NPC1: variants seen among roughly 807,000 people sequenced by gnomAD.
NPC1 encodes the protein Niemann-Pick C1 protein.
Under a neutral mutation model 140.4 loss-of-function variants are expected in NPC1, and 85 were observed. The observed-to-expected ratio is 0.61, with a 90% confidence interval of 0.51 to 0.72. The LOEUF (loss-of-function observed/expected upper bound fraction) is 0.72, where lower values mean the gene tolerates loss of function less well. Ranked by LOEUF, NPC1 falls within the 30% of genes least tolerant of loss-of-function variation. The pLI is 0.00. For synonymous variants in NPC1, 656 were observed against 624.8 expected (o/e 1.05, Z -0.74); for missense variants, 1,504 against 1,623.8 (o/e 0.93, Z 1.27).
chr18:23,568,609 A>C (rs2059158985), intron 4 of NPC1, among the ~76,000 whole-genome samples: 1 of 152,214 alleles, frequency 6.6e-6, no homozygotes, highest in African/African-American at 2.4e-5. Context: ...GTGGGAAGTT[A>C]AAGTTAGGGG....
Position 23,524,249 on chromosome 18 carries a change from C to T in NPC1, c.164-1343G>A, listed in dbSNP as rs911347192. ...CCTCAGAGAGTGGTCCTGAAGTCCT[C>T]CTCCGGGCAGCTGTGAATAACACTC... On this transcript the variant is annotated intron_variant, in intron 1 of 1. Coordinates refer to the NPC1 transcript ENST00000590723. 8 of 1,570,882 alleles carry T rather than the reference C, an allele frequency of 5.1e-6. No individual in the cohort carries two copies. In the East Asian group the frequency reaches 6.7e-5, roughly 13 times the overall value.
At chr18:23,535,411 C>T (rs2058613315) in intron 22 of NPC1, 58 bp downstream of exon 22, 1 of 1,234,576 alleles carries the variant, frequency 8.1e-7, no homozygotes, top group African/African-American at 1.5e-5. Flanking sequence ...TCTAAGACAG[C>T]CAATTCCCCC....
At chr18:23,533,220 T>G (rs1339086921) in intron 24 of NPC1, 135 bp downstream of exon 24, 2 of 1,004,030 alleles carry the variant, frequency 2.0e-6, no homozygotes, top group African/African-American at 3.3e-5. Flanking sequence ...AAGAAATTTT[T>G]TTACTCAGTA....
intron 3 of NPC1, 58 bp from the exon 4 acceptor site, chr18:23,569,056 AC>A: frequency 8.4e-7 from 1 of 1,184,804 alleles, no homozygotes; most frequent in Non-Finnish European, 1.3e-6. Context: ...GCCAGCAAGA[AC>A]GATTTTAAAT....
In NPC1 at chr18:23,586,454, G is replaced by GAGCAGAGA. The variant is rs2059420872; in HGVS notation, c.-112_-111insTCTCTGCT. ...AGCACCCCGCGCAGGAGGAGCGGAG[G>GAGCAGAGA]AGCAGGAGCAGGCGCTGACCGCGGC... is the stretch of plus-strand genomic sequence containing the variant. On this transcript the variant is annotated 5_prime_UTR_variant, in exon 1 of 25. Coordinates refer to ENST00000269228, the MANE Select transcript of NPC1 (RefSeq NM_000271.5). 1.3e-6 allele frequency: 2 copies of GAGCAGAGA among 1,488,624 alleles called. No individual in the cohort carries two copies. Among genetic ancestry groups the GAGCAGAGA allele is most frequent in the African/African-American group, 2.9e-5 (2 of 69,358 alleles). 92.2% of individuals were successfully genotyped at this position (1,488,624 alleles called of 1,614,324 possible).
At chr18:23,559,765 C>A (rs1459042699) in intron 6 of NPC1, among the ~76,000 whole-genome samples, 3 of 152,082 alleles carry the variant, frequency 2.0e-5, no homozygotes, top group African/African-American at 7.2e-5. Context: ...GCCTGGCCAA[C>A]ACGGTGAAAC....
intron 1 of NPC1, among the ~76,000 whole-genome samples, chr18:23,580,104 TA>T (rs2059340075): frequency 6.6e-6 from 1 of 152,108 alleles, no homozygotes; most frequent in African/African-American, 2.4e-5. Context: ...GTAAAATAAA[TA>T]AATGAAACAA....
Position 23,524,288 on chromosome 18 carries a change from G to A in NPC1, c.164-1382C>T, listed in dbSNP as rs1262899939. On this transcript the variant is annotated intron_variant, in intron 1 of 1. Transcript: ENST00000590723. Reference sequence around the variant, plus strand: ...TGAATAACACTCCGAGAGCCACCCCGCAGGCAGCTTCCCTGACTGTCCAGG... The same window carrying A: ...TGAATAACACTCCGAGAGCCACCCCACAGGCAGCTTCCCTGACTGTCCAGG... The A allele has an allele frequency of 1.7e-5, 25 of 1,487,490 alleles. No homozygotes were observed. The East Asian group carries it at 2.0e-4, about 12-fold the overall frequency. 92.1% of individuals were successfully genotyped at this position (1,487,490 alleles called of 1,614,324 possible).
intron 20 of NPC1, 41 bp from the exon 21 acceptor site, chr18:23,536,917 G>C (rs1271473413): frequency 6.5e-7 from 1 of 1,539,778 alleles, no homozygotes; most frequent in Non-Finnish European, 9.0e-7. Flanking sequence ...TCCAGGTCTT[G>C]CAAAATATCA....
downstream of NPC1, among the ~76,000 whole-genome samples, chr18:23,520,921 T>C (rs2145216239): frequency 6.6e-6 from 1 of 152,368 alleles, no homozygotes; most frequent in African/African-American, 2.4e-5. Flanking sequence ...TTTCACCATG[T>C]TGGCCAGGCT....
intron 4 of NPC1, among the ~76,000 whole-genome samples, chr18:23,563,223 C>T (rs1450313449): frequency 7.2e-5 from 11 of 152,240 alleles, no homozygotes; most frequent in Admixed American, 4.6e-4. Flanking sequence ...TTTTTACGGC[C>T]GAACAACATT....
intron 6 of NPC1, among the ~76,000 whole-genome samples, chr18:23,559,161 T>C (rs1333180146): frequency 4.6e-5 from 7 of 152,194 alleles, no homozygotes; most frequent in African/African-American, 1.4e-4. Context: ...TTTGCTATTG[T>C]GAATAGTGCC....
chr18:23,509,372 T>C (rs935084183), intron 3 of NPC1: 1 of 382,230 alleles, frequency 2.6e-6, no homozygotes, highest in Non-Finnish European at 4.4e-6. Flanking sequence ...TATATATATA[T>C]TTTAAACATT....
chr18:23,525,156 G>A (rs548532370), downstream of NPC1, among the ~76,000 whole-genome samples: 1 of 151,594 alleles, frequency 6.6e-6, no homozygotes, highest in Admixed American at 6.6e-5. Context: ...ATGTTGGTCA[G>A]GCTGGTCTCA....
At chr18:23,526,437 C>A (rs2058299953), downstream of NPC1, among the ~76,000 whole-genome samples, 1 of 152,140 alleles carries the variant, frequency 6.6e-6, no homozygotes, top group Admixed American at 6.5e-5. Flanking sequence ...GGCTGTCATC[C>A]TCCTGTGGTA....
intron 4 of NPC1, among the ~76,000 whole-genome samples, chr18:23,566,560 C>A (rs2059127125): frequency 6.8e-6 from 1 of 147,538 alleles, no homozygotes; most frequent in Non-Finnish European, 1.5e-5. Context: ...GCCTCACCAA[C>A]ACAGTGAGGC....
chr18:23,557,216 C>T (rs754525764), intron 6 of NPC1, 26 bp from the exon 7 acceptor site: 5 of 1,550,486 alleles, frequency 3.2e-6, no homozygotes, highest in Non-Finnish European at 3.6e-6. Flanking sequence ...GAAGAAATAG[C>T]ATTAGTGGAC....
chr18:23,551,854 T>G, intron 9 of NPC1, 127 bp from the exon 10 acceptor site: 1 of 758,832 alleles, frequency 1.3e-6, no homozygotes. Flanking sequence ...CCCTGAGGTT[T>G]CTCAGTTGAG....
intron 11 of NPC1, among the ~76,000 whole-genome samples, chr18:23,547,368 T>A (rs2058804112): frequency 6.6e-6 from 1 of 152,214 alleles, no homozygotes; most frequent in Admixed American, 6.5e-5. Context: ...CTTCACTGTC[T>A]TTTATGACAG....
Sources: gnomAD v4.1 joint callset for allele counts (sites outside exome capture counted in the v4.1 genomes callset) on GRCh38, gnomAD v4.1.1 for gene constraint, MANE v1.5 for transcripts, NCBI Gene and HGNC (gene_info 2026-07-23, HGNC 2026-07-21) for gene names.